Variants in PUDP observed in about 807,000 individuals in gnomAD.
PUDP encodes the protein pseudouridine-5'-phosphatase.
A neutral mutation model predicts 9.4 loss-of-function variants in PUDP; 8 were observed. The observed-to-expected ratio is 0.85, with a 90% confidence interval of 0.50 to 1.53. The LOEUF is 1.53. Among genes scored for constraint, PUDP ranks in the 40% most tolerant of loss-of-function variants. The pLI, the probability that PUDP is intolerant of heterozygous loss-of-function variation, is 0.00. For missense variants in PUDP, 188 were observed against 189.7 expected (o/e 0.99, Z 0.05); for synonymous variants, 99 against 80.7 (o/e 1.23, Z -1.22).
intron 1 of PUDP, among the ~76,000 whole-genome samples, chrX:7,132,540 C>T (rs1011142999): frequency 1.8e-5 from 2 of 111,551 alleles, no homozygotes; most frequent in Non-Finnish European, 3.8e-5. Context: ...CTAGAGCTTC[C>T]AGAAAGGAAC....
At chrX:7,107,259 C>G (rs775355747) in intron 1 of PUDP, among the ~76,000 whole-genome samples, 1 of 112,123 alleles carries the variant, frequency 8.9e-6, no homozygotes, top group Non-Finnish European at 1.9e-5. Context: ...AGCAGGCGAT[C>G]TCAATGGCCT....
At chrX:7,102,010 A>AT (rs1256524963) in intron 2 of PUDP, among the ~76,000 whole-genome samples, 1 of 111,506 alleles carries the variant, frequency 9.0e-6, no homozygotes, top group Non-Finnish European at 1.9e-5. Flanking sequence ...AAATGAAGAC[A>AT]TAGAAAATCT....
At chrX:6,722,605 A>C (rs1432043370), upstream of PUDP, among the ~76,000 whole-genome samples, 1 of 111,998 alleles carries the variant, frequency 8.9e-6, no homozygotes, top group Non-Finnish European at 1.9e-5. Context: ...GAAAGTCAAA[A>C]GTTTCTGTAT....
At chrX:6,721,791 C>A (rs189001465), upstream of PUDP, among the ~76,000 whole-genome samples, 1 of 111,784 alleles carries the variant, frequency 8.9e-6, no homozygotes, top group Admixed American at 9.5e-5. Flanking sequence ...TATCAAATCA[C>A]AATACAGCAT....
intron 2 of PUDP, among the ~76,000 whole-genome samples, chrX:7,089,133 C>G (rs1420134688): frequency 9.0e-6 from 1 of 111,226 alleles, no homozygotes; most frequent in African/African-American, 3.3e-5. Context: ...GCTGAGCCGC[C>G]AGGCAGATTC....
At chrX:6,948,628 A>G (rs975891852) in intron 3 of PUDP, among the ~76,000 whole-genome samples, 10 of 111,917 alleles carry the variant, frequency 8.9e-5, no homozygotes, top group African/African-American at 2.9e-4. Flanking sequence ...CTGTGCCTGA[A>G]TATTAAGGTT....
chrX:6,994,839 G>A lies in PUDP; in HGVS notation c.205-16496C>T, dbSNP rs182180973. 2.3e-3 allele frequency among the ~76,000 whole-genome samples: 259 copies of A among 111,597 alleles called. 2 individuals carry two copies. Among genetic ancestry groups the A allele is most frequent in the African/African-American group, 8.1e-3 (248 of 30,725 alleles). ...GAGGCAGAGAAACTCCTTCCTAACT[G>A]TGAGCTATGTCATGTCATAACAGAG... is the stretch of plus-strand genomic sequence containing the variant. On this transcript the variant is annotated intron_variant and NMD_transcript_variant, in intron 1 of 3. Transcript: ENST00000655425.
At chrX:6,902,229 G>A (rs946482677) in intron 3 of PUDP, among the ~76,000 whole-genome samples, 3 of 111,694 alleles carry the variant, frequency 2.7e-5, no homozygotes, top group African/African-American at 9.8e-5. Context: ...AATCTCAAAT[G>A]GTAAATTACA....
intron 3 of PUDP, among the ~76,000 whole-genome samples, chrX:6,821,295 G>A (rs1185615966): frequency 9.0e-6 from 1 of 111,605 alleles, no homozygotes; most frequent in Non-Finnish European, 1.9e-5. Flanking sequence ...GACACCCACA[G>A]CCTGTGCGTG....
intron 3 of PUDP, among the ~76,000 whole-genome samples, chrX:7,067,211 G>C (rs961325588): frequency 2.7e-5 from 3 of 112,045 alleles, no homozygotes; most frequent in Non-Finnish European, 5.6e-5. Context: ...GTGCAGAAGG[G>C]CCTCATGCCT....
chrX:6,983,438 G>GA (rs988651425), intron 1 of PUDP, among the ~76,000 whole-genome samples: 15 of 110,953 alleles, frequency 1.4e-4, no homozygotes, highest in African/African-American at 4.3e-4. Context: ...GCAAAAACAT[G>GA]AAAAAAAATC....
rs554435531 is a variant in PUDP, at chrX:6,922,345, G to A, written c.*247+54788C>T. On this transcript the variant is annotated intron_variant and NMD_transcript_variant, in intron 3 of 3. Transcript: ENST00000655425. ...TGTGCTTATTTCACATTTCATGCCT[G>A]TATAAAAACATCTCATGTACAACAT... Among the ~76,000 whole-genome samples, 9 of 111,413 alleles carry A rather than the reference G, an allele frequency of 8.1e-5. No individual in the cohort carries two copies. The South Asian group carries it at 2.3e-3, about 28-fold the overall frequency.
At chrX:6,883,521 CAAAA>C (rs753618830) in intron 3 of PUDP, among the ~76,000 whole-genome samples, 6 of 41,395 alleles carry the variant, frequency 1.4e-4, no homozygotes, top group Non-Finnish European at 1.4e-4. Context: ...GACCTTGTCT[CAAAA>C]AAAAAAAAAA....
intron 3 of PUDP, among the ~76,000 whole-genome samples, chrX:6,845,568 C>G (rs1349687506): frequency 8.9e-6 from 1 of 112,054 alleles, no homozygotes; most frequent in African/African-American, 3.2e-5. Context: ...CTCTTAGTAC[C>G]TGGTAAAACC....
chrX:6,734,922 C>T (rs960364524), intron 3 of PUDP, among the ~76,000 whole-genome samples: 9 of 111,775 alleles, frequency 8.1e-5, no homozygotes, highest in African/African-American at 2.6e-4. Context: ...CTGATGCTTG[C>T]GGTTTATCAA....
Position 6,922,830 on chromosome X carries a change from C to T in PUDP, c.*247+54303G>A, listed in dbSNP as rs1041389279. On this transcript the variant is annotated intron_variant and NMD_transcript_variant, in intron 3 of 3. Transcript: ENST00000655425. ...TGGATCCATTCCAAACAGCAAACAA[C>T]GATGCTATTATTTCTTTCATCTTAA... Among the ~76,000 whole-genome samples the T allele has an allele frequency of 2.7e-5, 3 of 112,298 alleles. No homozygotes were observed. In the Admixed American group the frequency reaches 2.8e-4, roughly 11 times the overall value.
At chrX:7,057,327 C>G (rs1930271107) in intron 3 of PUDP, among the ~76,000 whole-genome samples, 1 of 110,680 alleles carries the variant, frequency 9.0e-6, no homozygotes, top group Admixed American at 9.6e-5. Context: ...TCCCATAGGT[C>G]TGGGGCCAGG....
chrX:6,821,919 G>A (rs1047773747), intron 3 of PUDP, among the ~76,000 whole-genome samples: 1 of 111,799 alleles, frequency 8.9e-6, no homozygotes, highest in Admixed American at 9.4e-5. Context: ...AAAGGTTAAG[G>A]TGGGGCAGTC....
chrX:7,112,160 A>G (rs1348346100), intron 1 of PUDP, among the ~76,000 whole-genome samples: 6 of 111,543 alleles, frequency 5.4e-5, no homozygotes, highest in African/African-American at 2.0e-4. Context: ...TTCTGAAAAC[A>G]CTGCAAAATC....
Sources: gnomAD v4.1 joint callset for allele counts (sites outside exome capture counted in the v4.1 genomes callset) on GRCh38, gnomAD v4.1.1 for gene constraint, MANE v1.5 for transcripts, NCBI Gene and HGNC (gene_info 2026-07-23, HGNC 2026-07-21) for gene names.